Variants in SLK observed in about 807,000 individuals in gnomAD.
SLK encodes STE20-like serine/threonine-protein kinase.
In SLK, 67 loss-of-function variants were observed where a neutral mutation model predicts 147.7. The ratio of observed to expected loss-of-function variants is 0.45; its 90% confidence interval spans 0.37 to 0.56. SLK has a LOEUF of 0.56. SLK is among the 20% of genes least tolerant of loss of function. The pLI is 0.00. For missense variants in SLK, 1,136 were observed against 1,438.8 expected (o/e 0.79, Z 3.41); for synonymous variants, 441 against 475.0 (o/e 0.93, Z 0.93).
rs565773882 is a variant in SLK, at chr10:104,016,223, G to A, written c.2878-1937G>A. 1.7e-4 allele frequency among the ~76,000 whole-genome samples: 26 copies of A among 152,156 alleles called. No homozygotes were observed. In the South Asian group the frequency reaches 3.9e-3, roughly 23 times the overall value. ...AGTCCCGGCTACTCAGGAGGCTGAGGCAGGAGAATGGCATGAACCCGGGAG... is the reference window on the plus strand; with the variant it reads ...AGTCCCGGCTACTCAGGAGGCTGAGACAGGAGAATGGCATGAACCCGGGAG... On this transcript the variant is annotated intron_variant, in intron 13 of 18. Transcript: ENST00000369755.
rs1844280900 is a variant in SLK at position 104,003,325 on chromosome 10, A to G, written c.2147A>G (p.Asn716Ser). The G allele has an allele frequency of 1.2e-6, 2 of 1,613,936 alleles. 1 individual carries two copies. The highest frequency in any genetic ancestry group is 4.5e-5 in the East Asian group (2 of 44,866). ...QPVLIPSINI[N>S]SDSGENKEEI... is the part of the protein sequence containing the mutation. ...GTTCTAATACCCAGTATTAATATCA[A>G]CTCTGACAGTGGAGAAAATAAAGAA... Residue 716 changes from asparagine (N) to serine (S), a missense_variant, in exon 9 of 19, where the codon AAC becomes AGC. This residue lies in a region of SLK where 516 missense variants were observed against 531.3 expected (regional missense o/e 0.97). Coordinates refer to ENST00000369755, the MANE Select transcript of SLK (RefSeq NM_014720.4).
chr10:103,990,675 G>A lies in SLK; in HGVS notation c.151G>A (p.Ala51Thr). The A allele has an allele frequency of 6.5e-7, 1 of 1,530,320 alleles. No individual in the cohort carries two copies. Among genetic ancestry groups the A allele is most frequent in the Non-Finnish European group, 8.7e-7 (1 of 1,144,822 alleles). The allele number at this position is 1,530,320 out of a possible 1,614,324, so 94.8% of individuals were successfully genotyped here. ...GDGAFGKVYK[A>T]QNKETSVLAA... ...ACACTTCTGATACTTTCATTTTCAG[G>A]CCCAGAATAAAGAGACCAGTGTTTT... The change falls in exon 2 of 19, where the codon GCC (alanine) becomes ACC (threonine). Residue 51 changes from alanine (A) to threonine (T), a missense_variant and splice_region_variant. Around this residue, in one of 6 missense-constraint regions of SLK, gnomAD observed 126 missense variants for 141.3 expected, o/e 0.89. Coordinates refer to ENST00000369755, the MANE Select transcript of SLK (RefSeq NM_014720.4).
At chr10:103,973,925 A>G (rs1189203994) in intron 1 of SLK, among the ~76,000 whole-genome samples, 1 of 152,188 alleles carries the variant, frequency 6.6e-6, no homozygotes, top group African/African-American at 2.4e-5. Context: ...AGTTTTGAAG[A>G]CTTTCTTCCA....
chr10:104,021,471 T>C (rs1386856950), intron 17 of SLK, 149 bp from the exon 18 acceptor site: 1 of 542,534 alleles, frequency 1.8e-6, no homozygotes, highest in Non-Finnish European at 3.3e-6. Context: ...ATTTCCTAAT[T>C]CATGGCCCTT....
intron 9 of SLK, 93 bp downstream of exon 9, chr10:104,003,620 T>C (rs1844285764): frequency 1.2e-5 from 13 of 1,047,050 alleles, no homozygotes; most frequent in Non-Finnish European, 1.5e-5. Context: ...TAAAACAGCA[T>C]TAAATTAATG....
At position 104,006,053 on chromosome 10, in the gene SLK, T is replaced by A. The variant is rs779960031; in HGVS notation, c.2604+18T>A. On this transcript the variant is annotated intron_variant, in intron 11 of 18. Transcript: ENST00000369755. The stretch of plus-strand genomic sequence containing the variant: ...AAATGATGGTAAAGTCTGATTGTTA[T>A]ACCATTTTATATCATTTTGTGTTAA... 6.2e-7 allele frequency: 1 copy of A among 1,602,942 alleles called. No individual in the cohort carries two copies. Among genetic ancestry groups the A allele is most frequent in the Non-Finnish European group, 8.5e-7 (1 of 1,176,786 alleles).
intron 1 of SLK, among the ~76,000 whole-genome samples, chr10:103,982,954 C>A (rs531341747): frequency 6.6e-6 from 1 of 152,186 alleles, no homozygotes; most frequent in Non-Finnish European, 1.5e-5. Context: ...TCACTTAACA[C>A]TTATACACCT....
chr10:103,991,704 C>A (rs966906554), intron 2 of SLK, among the ~76,000 whole-genome samples: 1 of 151,478 alleles, frequency 6.6e-6, no homozygotes, highest in African/African-American at 2.4e-5. Context: ...TTCTAATTGG[C>A]AAGCACTTGT....
At chr10:103,987,375 G>GT (rs1347592623) in intron 1 of SLK, among the ~76,000 whole-genome samples, 1 of 152,156 alleles carries the variant, frequency 6.6e-6, no homozygotes, top group African/African-American at 2.4e-5. Context: ...ATTAATTTTA[G>GT]TGGCTGCGTC....
chr10:103,987,541 T>G (rs1407341931), intron 1 of SLK, among the ~76,000 whole-genome samples: 2 of 152,236 alleles, frequency 1.3e-5, no homozygotes, highest in Non-Finnish European at 1.5e-5. Context: ...TTCTGATAAA[T>G]TCTTAAAAGT....
intron 15 of SLK, 52 bp from the exon 16 acceptor site, chr10:104,019,682 G>A (rs1844509884): frequency 1.6e-5 from 21 of 1,316,920 alleles, no homozygotes; most frequent in Non-Finnish European, 2.3e-5. Context: ...ATATGCATGT[G>A]GGTACTGACT....
At chr10:103,969,373 T>C in intron 1 of SLK, among the ~76,000 whole-genome samples, 1 of 152,238 alleles carries the variant, frequency 6.6e-6, no homozygotes, top group Admixed American at 6.5e-5. Flanking sequence ...AAATATCTAC[T>C]CCTCTCTGTG....
chr10:104,006,127 A>G (rs891981966), intron 11 of SLK, 92 bp downstream of exon 11: 2 of 1,326,028 alleles, frequency 1.5e-6, no homozygotes, highest in Non-Finnish European at 2.1e-6. Flanking sequence ...AGGTTGTAGA[A>G]CTTGTTCTCT....
chr10:104,005,600 A>C lies in SLK; in HGVS notation c.2389A>C (p.Lys797Gln). 6.2e-7 allele frequency: 1 copy of C among 1,606,880 alleles called. No homozygotes were observed. The highest frequency in any genetic ancestry group is 8.5e-7 in the Non-Finnish European group (1 of 1,177,796). Residue 797 changes from lysine (K) to glutamine (Q), a missense_variant, in exon 10 of 19, where the codon AAA becomes CAA. Around this residue, in one of 6 missense-constraint regions of SLK, gnomAD observed 21 missense variants for 69.9 expected, o/e 0.30. Coordinates refer to ENST00000369755, the MANE Select transcript of SLK (RefSeq NM_014720.4). ...AAAGAAAACATTGAAGAAAACACGC[A>C]AATTTATTGTTGATGGTGTAGAAGT... ...RQKKTLKKTR[K>Q]FIVDGVEVSV...
rs749574763 is a variant in SLK, at chr10:104,002,618, G to A, written c.1440G>A (p.Met480Ile). The A allele has an allele frequency of 1.2e-6, 2 of 1,606,964 alleles. No individual in the cohort carries two copies. Among genetic ancestry groups the A allele is most frequent in the African/African-American group, 1.3e-5 (1 of 74,490 alleles). Residue 480 changes from methionine (M) to isoleucine (I), a missense_variant, in exon 9 of 19, where the codon ATG becomes ATA. Transcript: ENST00000369755. ...AAAAGGATCAGGAAAAGCAACAGAT[G>A]TTTGAAAATAAGCTTATAAAATCTG... Reference protein sequence around the residue: ...EEEKDQEKQQMFENKLIKSEE... With the variant: ...EEEKDQEKQQIFENKLIKSEE...
chr10:104,000,988 G>A (rs1332993359), intron 7 of SLK, among the ~76,000 whole-genome samples: 1 of 140,292 alleles, frequency 7.1e-6, no homozygotes, highest in East Asian at 2.1e-4. Flanking sequence ...GAACCTGGGA[G>A]ATGGAGATTG....
In SLK at chr10:104,027,378, C is replaced by T. The variant is rs1013797280; in HGVS notation, c.*1658C>T. The T allele has an allele frequency of 6.6e-5, 10 of 152,370 alleles. No individual in the cohort carries two copies. The highest frequency in any genetic ancestry group is 2.4e-4 in the African/African-American group (10 of 41,366). 9.4% of individuals were successfully genotyped at this position (152,370 alleles called of 1,614,324 possible). On this transcript the variant is annotated 3_prime_UTR_variant, in exon 19 of 19. Transcript: ENST00000369755. ...TTTGTTTTTTATATAAATATATATA[C>T]ATATATACATATTATGTATGGTTGT...
intron 17 of SLK, 129 bp from the exon 18 acceptor site, chr10:104,021,491 A>G (rs527521064): frequency 8.8e-6 from 5 of 568,582 alleles, no homozygotes; most frequent in African/African-American, 7.7e-5. Flanking sequence ...TGGTTTTTAT[A>G]GAGGAAAACT....
rs17116289 is a variant in SLK, at chr10:104,023,337, C to T, written c.3561+1604C>T. ...CTGTTGCAGATAGACAACTCCAAAACTTAAATGGTAGCAGTTGTATAGAGC... is the reference window on the plus strand; with the variant it reads ...CTGTTGCAGATAGACAACTCCAAAATTTAAATGGTAGCAGTTGTATAGAGC... On this transcript the variant is annotated intron_variant, in intron 18 of 18. Coordinates refer to ENST00000369755, the MANE Select transcript of SLK (RefSeq NM_014720.4). Among the ~76,000 whole-genome samples the T allele has an allele frequency of 5.9e-3, 896 of 152,322 alleles. 29 individuals are homozygous for T. Among genetic ancestry groups the T allele is most frequent in the Admixed American group, 0.049 (746 of 15,302 alleles).
Sources: gnomAD v4.1 joint callset for allele counts (sites outside exome capture counted in the v4.1 genomes callset) on GRCh38, gnomAD v4.1.1 for gene constraint, gnomAD v4.1.1 regional missense constraint, MANE v1.5 for transcripts, NCBI Gene and HGNC (gene_info 2026-07-23, HGNC 2026-07-21) for gene names.